Variants in FREM1 observed in about 807,000 individuals in gnomAD.
The protein encoded by FREM1 is FRAS1-related extracellular matrix protein 1.
A neutral mutation model predicts 210.1 loss-of-function variants in FREM1; 220 were observed. The observed-to-expected ratio is 1.05, with a 90% CI of 0.94 to 1.17. The LOEUF (loss-of-function observed/expected upper bound fraction) is 1.17, where lower values mean the gene tolerates loss of function less well. FREM1 is among the 50% of genes most tolerant of loss of function. FREM1 has a pLI of 0.00. For missense variants in FREM1, 3,454 were observed against 2,675.5 expected (o/e 1.29, Z -6.42); for synonymous variants, 1,189 against 980.2 (o/e 1.21, Z -3.98).
intron 23 of FREM1, among the ~76,000 whole-genome samples, chr9:14,785,800 G>C (rs1850336974): frequency 6.6e-6 from 1 of 152,160 alleles, no homozygotes; most frequent in South Asian, 2.1e-4. Flanking sequence ...AATGGGTATA[G>C]ACTTTAAGTT....
At chr9:14,883,351 A>C (rs1186876124) in intron 1 of FREM1, among the ~76,000 whole-genome samples, 1 of 152,256 alleles carries the variant, frequency 6.6e-6, no homozygotes, top group Non-Finnish European at 1.5e-5. Context: ...TGAAGGCTGC[A>C]GAATTAGAAG....
intron 29 of FREM1, 70 bp downstream of exon 29, chr9:14,756,304 T>A: frequency 9.1e-7 from 1 of 1,098,016 alleles, no homozygotes; most frequent in Non-Finnish European, 1.3e-6. Flanking sequence ...TTCTCTACAA[T>A]CTCCAGACAT....
In FREM1 at chr9:14,859,193, G is replaced by T; in HGVS notation, c.621C>A (p.Phe207Leu). 6.3e-7 allele frequency: 1 copy of T among 1,580,622 alleles called. No homozygotes were observed. Among genetic ancestry groups the T allele is most frequent in the Non-Finnish European group, 8.6e-7 (1 of 1,164,144 alleles). The part of the protein sequence containing the change: ...EPRGDQPHSF[F>L]PESQLRAKLK... ...TAAAAGACATCATACGGGACTCTGG[G>T]AAAAAACTGTGTGGCTGATCTCCAC... The change falls in exon 4 of 37, where the codon TTC becomes TTA. Residue 207 changes from phenylalanine to leucine, a missense_variant. Phe to Leu is a conservative substitution (Grantham distance 22, BLOSUM62 0). Transcript: ENST00000380880.
chr9:14,883,595 T>G, intron 1 of FREM1, among the ~76,000 whole-genome samples: 1 of 151,994 alleles, frequency 6.6e-6, no homozygotes, highest in Non-Finnish European at 1.5e-5. Flanking sequence ...CAAAGCAAAA[T>G]TCTGAAGCAA....
At position 14,859,489 on chromosome 9, in the gene FREM1, G is replaced by T; in HGVS notation, c.330-5C>A. The T allele has an allele frequency of 6.2e-7, 1 of 1,607,172 alleles. No homozygotes were observed. The highest frequency in any genetic ancestry group is 8.5e-7 in the Non-Finnish European group (1 of 1,175,996). On this transcript the variant is annotated splice_region_variant and splice_polypyrimidine_tract_variant and intron_variant, in intron 3 of 36. Coordinates refer to ENST00000380880, the MANE Select transcript of FREM1 (RefSeq NM_001379081.2). ...AAGGTATCTCTTTCAGTAAATCTGT[G>T]GAGAACACAGGGCAAAAGCAATATT...
chr9:14,800,547 C>T (rs1330558485), intron 20 of FREM1, among the ~76,000 whole-genome samples: 1 of 152,100 alleles, frequency 6.6e-6, no homozygotes, highest in Non-Finnish European at 1.5e-5. Flanking sequence ...ATATGTGGTT[C>T]TATATTTGTT....
At chr9:14,860,798 CACATATAT>C (rs1180808757) in intron 3 of FREM1, among the ~76,000 whole-genome samples, 7 of 91,106 alleles carry the variant, frequency 7.7e-5, no homozygotes, top group African/African-American at 2.8e-4. Context: ...TACATATATA[CACATATAT>C]ACATATATAC....
Position 14,863,914 on chromosome 9 carries a change from T to A in FREM1, c.235-11A>T. The A allele has an allele frequency of 6.5e-7, 1 of 1,527,568 alleles. No homozygotes were observed. Among genetic ancestry groups the A allele is most frequent in the Non-Finnish European group, 9.1e-7 (1 of 1,102,014 alleles). 94.6% of individuals were successfully genotyped at this position (1,527,568 alleles called of 1,614,324 possible). Reference sequence around the variant, plus strand: ...ATGGCAGTCAAAGACCTAGTTCACATGAAGAATTGGATAAATATCTATGAG... The same window carrying A: ...ATGGCAGTCAAAGACCTAGTTCACAAGAAGAATTGGATAAATATCTATGAG... On this transcript the variant is annotated splice_polypyrimidine_tract_variant and intron_variant, in intron 2 of 36. Coordinates refer to ENST00000380880, the MANE Select transcript of FREM1 (RefSeq NM_001379081.2).
intron 30 of FREM1, among the ~76,000 whole-genome samples, chr9:14,749,262 A>G (rs917849337): frequency 6.6e-6 from 1 of 152,176 alleles, no homozygotes; most frequent in African/African-American, 2.4e-5. Flanking sequence ...TATGTACTTC[A>G]TGTGACCAGA....
intron 2 of FREM1, among the ~76,000 whole-genome samples, chr9:14,867,032 G>T (rs1588476191): frequency 6.6e-6 from 1 of 151,946 alleles, no homozygotes; most frequent in East Asian, 1.9e-4. Context: ...GCTAATTTTT[G>T]TATTTTTAGT....
rs1827126934 is a variant in FREM1 at position 14,848,716 on chromosome 9, T to G, written c.1210A>C (p.Ile404Leu). 1 of 1,613,276 alleles carries G rather than the reference T, an allele frequency of 6.2e-7. No individual in the cohort carries two copies. Among genetic ancestry groups the G allele is most frequent in the African/African-American group, 1.3e-5 (1 of 74,938 alleles). The change falls in exon 7 of 37, where the codon ATC (isoleucine) becomes CTC (leucine). Residue 404 changes from isoleucine (I) to leucine (L), a missense_variant. Coordinates refer to ENST00000380880, the MANE Select transcript of FREM1 (RefSeq NM_001379081.2). ...FERSAPMTVH[I>L]SIRTADTNAP... ...TTTGTATCTGCTGTTCTGATGGAGA[T>G]GTGGACTGTCATAGGTGCACTCCTT...
At chr9:14,791,646 C>A (rs1290670174) in intron 22 of FREM1, among the ~76,000 whole-genome samples, 1 of 152,030 alleles carries the variant, frequency 6.6e-6, no homozygotes, top group Non-Finnish European at 1.5e-5. Context: ...AAGTTCATGT[C>A]AGATAGAATA....
intron 10 of FREM1, 141 bp downstream of exon 10, chr9:14,841,306 A>G (rs968687466): frequency 3.2e-6 from 2 of 631,624 alleles, no homozygotes; most frequent in African/African-American, 1.8e-5. Flanking sequence ...TATTGCAAAG[A>G]AATCTGCTTA....
intron 23 of FREM1, among the ~76,000 whole-genome samples, chr9:14,786,968 T>G (rs1850525183): frequency 6.6e-6 from 1 of 152,174 alleles, no homozygotes. Context: ...CTTGCCTTGA[T>G]GCAAGTTTTC....
chr9:14,841,260 TAA>T (rs915849150), intron 10 of FREM1, among the ~76,000 whole-genome samples, 185 bp downstream of exon 10: 32 of 152,364 alleles, frequency 2.1e-4, no homozygotes, highest in African/African-American at 7.7e-4. Flanking sequence ...TAGATATCTA[TAA>T]AAGTCTTTCA....
chr9:14,850,669 G>A (rs556407388), intron 6 of FREM1: 4 of 152,384 alleles, frequency 2.6e-5, no homozygotes, highest in South Asian at 2.1e-4. Flanking sequence ...CCATGGACAT[G>A]TTTACCTATG....
Position 14,747,314 on chromosome 9 carries a change from G to A in FREM1, c.5959C>T (p.Pro1987Ser). ...PQKTIKVAEL[P>S]QADKVESTTD... is the part of the protein sequence containing the mutation. ...GTGGATTCCACCTTATCTGCTTGAG[G>A]CAGTTCTGCCACTTTGATTGTCTTT... Residue 1987 changes from proline to serine, a missense_variant, in exon 33 of 37, where the codon CCT becomes TCT. Pro to Ser is a moderately conservative substitution (Grantham distance 74). Transcript: ENST00000380880. The A allele has an allele frequency of 3.1e-6, 5 of 1,613,654 alleles. No individual in the cohort carries two copies. Among genetic ancestry groups the A allele is most frequent in the Non-Finnish European group, 4.2e-6 (5 of 1,179,770 alleles).
At chr9:14,809,044 G>A (rs962392867) in intron 16 of FREM1, among the ~76,000 whole-genome samples, 4 of 152,148 alleles carry the variant, frequency 2.6e-5, no homozygotes, top group East Asian at 1.9e-4. Context: ...CCCACATTTC[G>A]TGAGAGGAAC....
At chr9:14,809,228 T>C (rs1328182997) in intron 16 of FREM1, among the ~76,000 whole-genome samples, 2 of 152,208 alleles carry the variant, frequency 1.3e-5, no homozygotes, top group African/African-American at 4.8e-5. Flanking sequence ...CCTTCTGCCA[T>C]GATCATGAGG....
Sources: allele counts gnomAD v4.1 joint callset (sites outside exome capture counted in the v4.1 genomes callset), GRCh38; gene constraint gnomAD v4.1.1; transcripts MANE v1.5; gene names NCBI Gene and HGNC (gene_info 2026-07-23, HGNC 2026-07-21).